Variants in ADGRB3 observed in about 807,000 individuals in gnomAD.
The protein encoded by ADGRB3 is brain-specific angiogenesis inhibitor 3.
ADGRB3 carries 37 observed loss-of-function variants against 193.4 expected under a neutral mutation model. The ratio of observed to expected loss-of-function variants is 0.19; its 90% CI spans 0.15 to 0.25. The LOEUF (loss-of-function observed/expected upper bound fraction) is 0.25. ADGRB3 is among the 10% of genes least tolerant of loss of function. The pLI is 1.00. For synonymous variants in ADGRB3, 690 were observed against 644.2 expected (o/e 1.07, Z -1.08); for missense variants, 1,637 against 1,852.9 (o/e 0.88, Z 2.14).
At chr6:69,117,121 T>C (rs1773556698) in intron 17 of ADGRB3, among the ~76,000 whole-genome samples, 1 of 152,226 alleles carries the variant, frequency 6.6e-6, no homozygotes, top group Admixed American at 6.5e-5. Context: ...CCACAATCCA[T>C]GTTGATGTAT....
intron 3 of ADGRB3, among the ~76,000 whole-genome samples, chr6:68,835,693 A>G (rs1768032684): frequency 6.6e-6 from 1 of 151,938 alleles, no homozygotes; most frequent in Admixed American, 6.6e-5. Context: ...TATAATTTAG[A>G]TTCTTAAGGA....
chr6:68,847,604 G>A (rs553613), intron 3 of ADGRB3, among the ~76,000 whole-genome samples: 32,628 of 152,028 alleles, frequency 0.21, 4,044 homozygotes, highest in East Asian at 0.58. Flanking sequence ...CTGCTGCCAT[G>A]TAAGAAGTGT....
At chr6:68,963,619 G>A (rs1488100886) in intron 8 of ADGRB3, among the ~76,000 whole-genome samples, 2 of 151,974 alleles carry the variant, frequency 1.3e-5, no homozygotes, top group Non-Finnish European at 2.9e-5. Context: ...TGAATACAGG[G>A]GTGCATATTC....
chr6:69,323,910 G>GT (rs1356968923), intron 20 of ADGRB3, among the ~76,000 whole-genome samples: 12 of 151,820 alleles, frequency 7.9e-5, no homozygotes, highest in Admixed American at 2.6e-4. Context: ...CTTTGTATTG[G>GT]TTTTTTTTAC....
intron 17 of ADGRB3, among the ~76,000 whole-genome samples, chr6:69,083,622 T>G (rs1490789152): frequency 1.3e-5 from 2 of 152,138 alleles, no homozygotes; most frequent in Non-Finnish European, 1.5e-5. Context: ...GCCATTTAAT[T>G]CAATTGACTT....
chr6:68,786,448 AAGATC>A (rs1255591859), intron 3 of ADGRB3, among the ~76,000 whole-genome samples: 1 of 152,172 alleles, frequency 6.6e-6, no homozygotes, highest in East Asian at 1.9e-4. Flanking sequence ...AGGTTTGTCA[AAGATC>A]AGATAGTTGT....
intron 3 of ADGRB3, among the ~76,000 whole-genome samples, chr6:68,773,291 T>C (rs1316478364): frequency 1.3e-5 from 2 of 152,154 alleles, no homozygotes; most frequent in Admixed American, 1.3e-4. Context: ...AATCCAGCTC[T>C]TCTCACTGCT....
intron 3 of ADGRB3, among the ~76,000 whole-genome samples, chr6:68,790,737 A>C (rs1767088213): frequency 6.6e-6 from 1 of 152,186 alleles, no homozygotes; most frequent in Non-Finnish European, 1.5e-5. Flanking sequence ...CCTGTCTGTT[A>C]GAAGGAAAAC....
chr6:69,095,696 A>G (rs1772853438), intron 17 of ADGRB3, among the ~76,000 whole-genome samples: 1 of 152,208 alleles, frequency 6.6e-6, no homozygotes. Context: ...AAAAGACATT[A>G]AGTGACAAAG....
At chr6:68,965,724 C>T (rs62418281) in intron 8 of ADGRB3, among the ~76,000 whole-genome samples, 13,119 of 152,110 alleles carry the variant, frequency 0.086, 710 homozygotes, top group Non-Finnish European at 0.13. Context: ...TATATCTTTG[C>T]ACTAGTAAGA....
At chr6:69,069,746 A>AG (rs1562145861) in intron 16 of ADGRB3, among the ~76,000 whole-genome samples, 6 of 134,608 alleles carry the variant, frequency 4.5e-5, no homozygotes, top group African/African-American at 7.6e-5. Context: ...AAAAAAAAAA[A>AG]AAAAGAAAGA....
At chr6:69,254,213 T>C (rs569319144) in intron 20 of ADGRB3, among the ~76,000 whole-genome samples, 1 of 152,310 alleles carries the variant, frequency 6.6e-6, no homozygotes, top group South Asian at 2.1e-4. Context: ...TTTTTAAAAG[T>C]AGGTAGTATT....
intron 17 of ADGRB3, among the ~76,000 whole-genome samples, chr6:69,180,816 A>G (rs1037838866): frequency 6.6e-6 from 1 of 152,190 alleles, no homozygotes; most frequent in South Asian, 2.1e-4. Flanking sequence ...TTCTGGCCAA[A>G]GACTAAAATG....
chr6:68,881,856 CAA>C (rs962849333), intron 3 of ADGRB3, among the ~76,000 whole-genome samples: 2 of 152,148 alleles, frequency 1.3e-5, no homozygotes, highest in African/African-American at 2.4e-5. Context: ...CTGTTCCATA[CAA>C]GAGTCGACAA....
chr6:68,956,696 G>T lies in ADGRB3; in HGVS notation c.1412G>T (p.Cys471Phe), dbSNP rs763509415. 3 of 1,613,950 alleles carry T rather than the reference G, an allele frequency of 1.9e-6. No individual in the cohort carries two copies. Among genetic ancestry groups the T allele is most frequent in the African/African-American group, 2.7e-5 (2 of 74,900 alleles). Residue 471 changes from cysteine to phenylalanine, a missense_variant, in exon 8 of 32, where the codon TGT becomes TTT. By Grantham distance (205) the Cys-to-Phe change is radical. Transcript: ENST00000370598. ...WGHWSGCSKS[C>F]DGGWERRIRT... The stretch of plus-strand genomic sequence containing the variant: ...CATTGGAGTGGTTGTTCCAAGTCCT[G>T]TGATGGCGGCTGGGAAAGGCGAATA...
chr6:69,125,602 G>A (rs111771113), intron 17 of ADGRB3, among the ~76,000 whole-genome samples: 1 of 152,080 alleles, frequency 6.6e-6, no homozygotes, highest in African/African-American at 2.4e-5. Context: ...CCTTGATCTT[G>A]AACTTCCCAG....
intron 8 of ADGRB3, among the ~76,000 whole-genome samples, chr6:68,958,869 TAG>T (rs1491546352): frequency 2.3e-5 from 2 of 86,922 alleles, no homozygotes; most frequent in African/African-American, 8.2e-5. Context: ...CAAAGAAAAA[TAG>T]TGTGTGTGTG....
chr6:69,218,863 G>A (rs932620167), intron 17 of ADGRB3, among the ~76,000 whole-genome samples: 1 of 152,024 alleles, frequency 6.6e-6, no homozygotes, highest in Non-Finnish European at 1.5e-5. Context: ...TTATTTCATG[G>A]AATATCATCA....
At chr6:69,116,049 A>G (rs1345627843) in intron 17 of ADGRB3, among the ~76,000 whole-genome samples, 5 of 152,292 alleles carry the variant, frequency 3.3e-5, no homozygotes, top group East Asian at 1.9e-4. Flanking sequence ...TGCAGTCTTG[A>G]GTTCAAAATT....
Sources: gnomAD v4.1 joint callset for allele counts (sites outside exome capture counted in the v4.1 genomes callset) on GRCh38, gnomAD v4.1.1 for gene constraint, MANE v1.5 for transcripts, NCBI Gene and HGNC (gene_info 2026-07-23, HGNC 2026-07-21) for gene names.